Variants in GABRG3 observed in about 807,000 individuals in gnomAD.
The protein encoded by GABRG3 is gamma-aminobutyric acid type A receptor subunit gamma3.
In GABRG3, 25 loss-of-function variants were observed where a neutral mutation model predicts 48.8. The observed-to-expected ratio is 0.51, with a 90% confidence interval of 0.37 to 0.72. GABRG3 has a LOEUF of 0.72. GABRG3 is among the 30% of genes least tolerant of loss of function. GABRG3 has a pLI of 0.00. For missense variants in GABRG3, 394 were observed against 577.9 expected (o/e 0.68, Z 3.26); for synonymous variants, 227 against 217.6 (o/e 1.04, Z -0.38).
chr15:27,217,618 C>T (rs1270812473), intron 3 of GABRG3, among the ~76,000 whole-genome samples: 1 of 152,186 alleles, frequency 6.6e-6, no homozygotes, highest in African/African-American at 2.4e-5. Context: ...TTGTATCTCA[C>T]CCTTTCTTAC....
chr15:27,080,116 C>T (rs1398458640), intron 3 of GABRG3, among the ~76,000 whole-genome samples: 1 of 152,022 alleles, frequency 6.6e-6, no homozygotes, highest in Non-Finnish European at 1.5e-5. Context: ...CCTCAAGGCT[C>T]CCCAAACCAT....
chr15:27,066,250 A>G (rs779000162), intron 3 of GABRG3, among the ~76,000 whole-genome samples: 1 of 152,200 alleles, frequency 6.6e-6, no homozygotes, highest in East Asian at 1.9e-4. Flanking sequence ...CAATACTAAC[A>G]GTGTATCTTT....
intron 3 of GABRG3, among the ~76,000 whole-genome samples, chr15:27,184,756 G>A (rs1457992344): frequency 6.6e-6 from 1 of 152,116 alleles, no homozygotes; most frequent in Non-Finnish European, 1.5e-5. Flanking sequence ...AATGTAGTTT[G>A]AATTTTGGCA....
intron 3 of GABRG3, among the ~76,000 whole-genome samples, chr15:27,306,608 T>C (rs1892484394): frequency 7.8e-6 from 1 of 128,274 alleles, no homozygotes; most frequent in African/African-American, 3.1e-5. Flanking sequence ...CATATGTTTA[T>C]ATATAAACAT....
chr15:27,072,672 A>T (rs2140735727), intron 3 of GABRG3, among the ~76,000 whole-genome samples: 1 of 152,290 alleles, frequency 6.6e-6, no homozygotes, highest in East Asian at 1.9e-4. Flanking sequence ...GCTGACAAGG[A>T]CTTTGCCTTC....
At chr15:26,987,152 G>A (rs768863714) in intron 2 of GABRG3, among the ~76,000 whole-genome samples, 4 of 152,172 alleles carry the variant, frequency 2.6e-5, no homozygotes, top group African/African-American at 4.8e-5. Flanking sequence ...CAGCTACTCG[G>A]GAGGCTGAGG....
intron 3 of GABRG3, among the ~76,000 whole-genome samples, chr15:27,251,722 T>C (rs1890460994): frequency 6.6e-6 from 1 of 152,190 alleles, no homozygotes; most frequent in Middle Eastern, 3.2e-3. Flanking sequence ...TGTGTAGCCT[T>C]TATGTCTACA....
intron 3 of GABRG3, among the ~76,000 whole-genome samples, chr15:27,231,913 GGAGA>G (rs1391664888): frequency 1.3e-5 from 2 of 152,006 alleles, no homozygotes; most frequent in East Asian, 3.9e-4. Context: ...AACCATAGAT[GGAGA>G]AACTGTAATG....
chr15:27,425,374 G>A (rs915287066), intron 5 of GABRG3, among the ~76,000 whole-genome samples: 1 of 151,414 alleles, frequency 6.6e-6, no homozygotes, highest in Admixed American at 6.6e-5. Flanking sequence ...GGAGGCCGAG[G>A]CAGGCGGATC....
chr15:27,207,488 G>A (rs1888893469), intron 3 of GABRG3, among the ~76,000 whole-genome samples: 2 of 152,288 alleles, frequency 1.3e-5, no homozygotes, highest in Admixed American at 1.3e-4. Context: ...CCACCTAAGG[G>A]CTTCTTTGTG....
At chr15:27,107,637 T>C (rs1299131423) in intron 3 of GABRG3, among the ~76,000 whole-genome samples, 1 of 152,064 alleles carries the variant, frequency 6.6e-6, no homozygotes, top group Non-Finnish European at 1.5e-5. Context: ...TAATAGATGT[T>C]TGATAGAATT....
chr15:27,271,211 A>G lies in GABRG3; in HGVS notation c.271-55598A>G, dbSNP rs184611639. ...GAGGACAAGGGAGAAAGGCTGTTCC[A>G]CAAGTGAGTGCTCCCTGCACTTGCC... On this transcript the variant is annotated intron_variant, in intron 3 of 9. Transcript: ENST00000615808. Among the ~76,000 whole-genome samples, 808 of 152,298 alleles carry G rather than the reference A, an allele frequency of 5.3e-3. 11 individuals carry two copies. Among genetic ancestry groups the G allele is most frequent in the African/African-American group, 0.017 (697 of 41,584 alleles).
intron 5 of GABRG3, among the ~76,000 whole-genome samples, chr15:27,448,930 C>CAG (rs542731196): frequency 3.9e-4 from 59 of 152,270 alleles, no homozygotes; most frequent in Non-Finnish European, 6.0e-4. Flanking sequence ...TTCTTTCAGG[C>CAG]AGACTCAGGA....
chr15:26,971,810 T>TC (rs1386460516), intron 1 of GABRG3, among the ~76,000 whole-genome samples: 1 of 152,084 alleles, frequency 6.6e-6, no homozygotes, highest in African/African-American at 2.4e-5. Context: ...GGACTCAGAT[T>TC]AATGGGCTCG....
Position 27,532,781 on chromosome 15 carries a change from A to G in GABRG3, c.1304A>G (p.His435Arg), listed in dbSNP as rs1891458602. 2 of 1,614,030 alleles carry G rather than the reference A, an allele frequency of 1.2e-6. No individual in the cohort carries two copies. Among genetic ancestry groups the G allele is most frequent in the Non-Finnish European group, 1.7e-6 (2 of 1,179,896 alleles). The change falls in exon 10 of 10, where the codon CAC becomes CGC. Residue 435 changes from histidine (H) to arginine (R), a missense_variant. Physicochemically the swap from His to Arg is conservative, Grantham distance 29. Around this residue, in one of 3 missense-constraint regions of GABRG3, gnomAD observed 126 missense variants for 155.5 expected, o/e 0.81. Transcript: ENST00000615808. ...KSGSWRKGRIHIDILELDSYS... is the reference protein window; with the variant it reads ...KSGSWRKGRIRIDILELDSYS... The stretch of plus-strand genomic sequence containing the variant: ...GGATCCTGGAGGAAAGGGCGTATTC[A>G]CATAGACATCTTGGAGCTGGACTCG...
chr15:27,502,665 A>G (rs570350795), intron 6 of GABRG3, among the ~76,000 whole-genome samples: 1 of 152,350 alleles, frequency 6.6e-6, no homozygotes, highest in South Asian at 2.1e-4. Context: ...CTTCTGACCA[A>G]CGGGCTTCAA....
chr15:27,457,371 A>G lies in GABRG3; in HGVS notation c.575-23279A>G, dbSNP rs149665371. ...TTTTGTTTTTTGCGTTTGTAGAAAC[A>G]TCACCTTCAGACCTACATCCATCCA... On this transcript the variant is annotated intron_variant, in intron 5 of 9. Coordinates refer to ENST00000615808, the MANE Select transcript of GABRG3 (RefSeq NM_033223.5). This position sits in a 1 kb window ranked among gnomAD's most constrained non-coding sequence, Gnocchi z 4.4. Among the ~76,000 whole-genome samples, 3 of 152,342 alleles carry G rather than the reference A, an allele frequency of 2.0e-5. No individual in the cohort carries two copies. In the East Asian group the frequency reaches 5.8e-4, roughly 29 times the overall value.
At chr15:27,441,610 C>A (rs1009987638) in intron 5 of GABRG3, among the ~76,000 whole-genome samples, 3 of 152,158 alleles carry the variant, frequency 2.0e-5, no homozygotes, top group African/African-American at 7.2e-5. Flanking sequence ...TGATGAGAAC[C>A]AAAACCTGAT....
chr15:27,330,705 C>T (rs1893774668), intron 5 of GABRG3, among the ~76,000 whole-genome samples: 1 of 152,178 alleles, frequency 6.6e-6, no homozygotes, highest in Admixed American at 6.5e-5. Flanking sequence ...AAAGACAATT[C>T]ACACATAGTA....
Sources: gnomAD v4.1 joint callset for allele counts (sites outside exome capture counted in the v4.1 genomes callset) on GRCh38, gnomAD v4.1.1 for gene constraint, gnomAD v4.1.1 regional missense constraint, Gnocchi (gnomAD v3.1) non-coding constraint, MANE v1.5 for transcripts, NCBI Gene and HGNC (gene_info 2026-07-23, HGNC 2026-07-21) for gene names.